The following KIAA2012 variants were observed in gnomAD, a reference collection of about 807,000 sequenced individuals.
KIAA2012 encodes the protein uncharacterized protein KIAA2012.
Under a neutral mutation model 150.6 loss-of-function variants are expected in KIAA2012, and 125 were observed. The observed-to-expected ratio is 0.83, with a 90% CI of 0.72 to 0.96. The LOEUF (loss-of-function observed/expected upper bound fraction) is 0.96. Among genes scored for constraint, KIAA2012 ranks in the 40% least tolerant of loss-of-function variants. The pLI is 0.00. For missense variants in KIAA2012, 1,219 were observed against 1,354.9 expected (o/e 0.90, Z 1.57); for synonymous variants, 462 against 504.7 (o/e 0.92, Z 1.13).
At position 202,202,525 on chromosome 2, in the gene KIAA2012, G is replaced by C; in HGVS notation, c.3504G>C (p.Trp1168Cys). ...LQWTQNISRPWVYSYFQFLQI... is the reference protein window; with the variant it reads ...LQWTQNISRPCVYSYFQFLQI... The stretch of plus-strand genomic sequence containing the variant: ...GGACACAGAACATTTCCAGACCATG[G>C]GTTTACTCTTATTTCCAGTTCCTAC... The change falls in exon 23 of 24, where the codon TGG becomes TGC. Residue 1168 changes from tryptophan to cysteine, a missense_variant. Transcript: ENST00000498697. 2.5e-6 allele frequency: 1 copy of C among 398,946 alleles called. No homozygotes were observed. Among genetic ancestry groups the C allele is most frequent in the Non-Finnish European group, 4.4e-6 (1 of 226,064 alleles). The allele number at this position is 398,946 out of a possible 1,614,324, so 24.7% of individuals were successfully genotyped here.
At chr2:202,102,186 A>ACAAG (rs1380593172) in intron 7 of KIAA2012, among the ~76,000 whole-genome samples, 1 of 141,868 alleles carries the variant, frequency 7.0e-6, no homozygotes, top group African/African-American at 3.2e-5. Flanking sequence ...ACATACACAT[A>ACAAG]CACGCACACA....
intron 13 of KIAA2012, among the ~76,000 whole-genome samples, chr2:202,153,838 G>A (rs1691474114): frequency 6.6e-6 from 1 of 152,214 alleles, no homozygotes; most frequent in Non-Finnish European, 1.5e-5. Context: ...AATGAAGCAG[G>A]AGAGATCATC....
chr2:202,122,057 C>G (rs1169595311), intron 11 of KIAA2012, among the ~76,000 whole-genome samples: 1 of 152,078 alleles, frequency 6.6e-6, no homozygotes, highest in Admixed American at 6.5e-5. Flanking sequence ...TGAGGAGCAG[C>G]GTGGTGTGAG....
chr2:202,175,550 C>A (rs1691974744), intron 15 of KIAA2012, among the ~76,000 whole-genome samples: 2 of 152,104 alleles, frequency 1.3e-5, no homozygotes, highest in Non-Finnish European at 2.9e-5. Flanking sequence ...ACAAAAGAGG[C>A]CCCAGAGAGC....
At position 202,187,075 on chromosome 2, in the gene KIAA2012, G is replaced by A. The variant is rs1692243371; in HGVS notation, c.2353G>A (p.Glu785Lys). ...GGCTGAACCAAGACTGTTTAGCCAG[G>A]AGACATCAGCCAACATCAGTCATGT... ...GKAEPRLFSQ[E>K]TSANISHERD... The change falls in exon 17 of 24, where the codon GAG becomes AAG. Residue 785 changes from glutamate (E) to lysine (K), a missense_variant. Coordinates refer to ENST00000498697, the MANE Select transcript of KIAA2012 (RefSeq NM_001277372.4). 6.4e-7 allele frequency: 1 copy of A among 1,550,566 alleles called. No individual in the cohort carries two copies. Among genetic ancestry groups the A allele is most frequent in the South Asian group, 1.2e-5 (1 of 84,066 alleles).
intron 2 of KIAA2012, among the ~76,000 whole-genome samples, chr2:202,076,664 G>T (rs1040483114): frequency 2.0e-5 from 3 of 152,150 alleles, no homozygotes; most frequent in Admixed American, 1.3e-4. Flanking sequence ...GTAGATAAGT[G>T]ATTTGCCCAA....
chr2:202,100,870 A>C (rs1022335050), intron 7 of KIAA2012, among the ~76,000 whole-genome samples: 1 of 152,240 alleles, frequency 6.6e-6, no homozygotes, highest in Non-Finnish European at 1.5e-5. Flanking sequence ...ACCTTTGAAA[A>C]TGCAGGGGAA....
intron 13 of KIAA2012, among the ~76,000 whole-genome samples, chr2:202,148,872 C>T (rs1432514777): frequency 6.6e-6 from 1 of 152,152 alleles, no homozygotes; most frequent in African/African-American, 2.4e-5. Context: ...GTATACAACG[C>T]CCGGCCCATT....
chr2:202,160,383 G>A (rs1011685293), intron 14 of KIAA2012, among the ~76,000 whole-genome samples: 13 of 140,670 alleles, frequency 9.2e-5, no homozygotes, highest in South Asian at 4.4e-4. Context: ...GCGTGATCTC[G>A]GCTCACTGCA....
chr2:202,095,678 C>T (rs1044156125), intron 4 of KIAA2012, among the ~76,000 whole-genome samples: 3 of 152,150 alleles, frequency 2.0e-5, no homozygotes, highest in South Asian at 2.1e-4. Flanking sequence ...TGTTTCCCCT[C>T]GCATTGATTG....
intron 14 of KIAA2012, among the ~76,000 whole-genome samples, chr2:202,161,289 C>A (rs1691649311): frequency 6.6e-6 from 1 of 152,082 alleles, no homozygotes; most frequent in Admixed American, 6.6e-5. Context: ...GACTCTTCCT[C>A]CTCCTCTCCC....
At chr2:202,190,616 C>A in intron 19 of KIAA2012, 123 bp downstream of exon 19, 2 of 725,338 alleles carry the variant, frequency 2.8e-6, no homozygotes, top group Non-Finnish European at 4.5e-6. Flanking sequence ...ACCTAATGGT[C>A]TTATTGTTCT....
chr2:202,084,128 G>T (rs1416067061), intron 2 of KIAA2012, among the ~76,000 whole-genome samples: 3 of 152,138 alleles, frequency 2.0e-5, no homozygotes, highest in Non-Finnish European at 4.4e-5. Flanking sequence ...GTGCCTGCCA[G>T]TTCTGGGATT....
chr2:202,097,405 G>T, intron 4 of KIAA2012, 30 bp from the exon 5 acceptor site: 1 of 1,549,584 alleles, frequency 6.5e-7, no homozygotes, highest in Non-Finnish European at 8.7e-7. Flanking sequence ...TTTCCAGGGT[G>T]ACAAGCTGAC....
At chr2:202,088,105 T>C (rs1028898911) in intron 2 of KIAA2012, among the ~76,000 whole-genome samples, 1 of 152,172 alleles carries the variant, frequency 6.6e-6, no homozygotes, top group Non-Finnish European at 1.5e-5. Context: ...ATATGGGCTA[T>C]ACTGTACAAA....
chr2:202,131,382 C>A (rs1463410487), intron 12 of KIAA2012, among the ~76,000 whole-genome samples: 1 of 152,082 alleles, frequency 6.6e-6, no homozygotes, highest in Non-Finnish European at 1.5e-5. Flanking sequence ...CTCAGGTGAT[C>A]CACCTGCCTC....
intron 14 of KIAA2012, among the ~76,000 whole-genome samples, chr2:202,162,140 T>G (rs552287814): frequency 1.3e-4 from 20 of 152,142 alleles, no homozygotes; most frequent in African/African-American, 4.8e-4. Flanking sequence ...ACAACTGGAG[T>G]TGCTAGTTTC....
At chr2:202,098,886 G>A (rs549119656) in intron 5 of KIAA2012, among the ~76,000 whole-genome samples, 1 of 147,936 alleles carries the variant, frequency 6.8e-6, no homozygotes, top group African/African-American at 2.5e-5. Context: ...CTCCCATCCT[G>A]AATAAACTCA....
intron 15 of KIAA2012, chr2:202,179,962 T>A (rs1298058367): frequency 1.4e-6 from 1 of 729,364 alleles, no homozygotes; most frequent in Non-Finnish European, 2.3e-6. Context: ...TTACTCCAAC[T>A]GAAGTTAAGA....
Sources: gnomAD v4.1 joint callset for allele counts (sites outside exome capture counted in the v4.1 genomes callset) on GRCh38, gnomAD v4.1.1 for gene constraint, MANE v1.5 for transcripts, NCBI Gene and HGNC (gene_info 2026-07-23, HGNC 2026-07-21) for gene names.